The following SYT16 variants were observed in gnomAD, a reference collection of about 807,000 sequenced individuals.
SYT16 encodes synaptotagmin 16, also known as synaptotagmin-16.
A neutral mutation model predicts 61.4 loss-of-function variants in SYT16; 42 were observed. That is an observed-to-expected ratio of 0.68 (90% CI 0.53 to 0.89). The LOEUF is 0.89. SYT16 is among the 40% of genes least tolerant of loss of function. The pLI, the probability that SYT16 is intolerant of heterozygous loss-of-function variation, is 0.00. For synonymous variants in SYT16, 314 were observed against 302.3 expected (o/e 1.04, Z -0.40); for missense variants, 804 against 807.3 (o/e 1.00, Z 0.05).
rs190937131 is a variant in SYT16, at chr14:61,922,118, G to C, written c.-324-48014G>C. Among the ~76,000 whole-genome samples the C allele has an allele frequency of 4.1e-4, 62 of 152,314 alleles. No homozygotes were observed. In the East Asian group the frequency reaches 8.9e-3, roughly 22 times the overall value. The stretch of plus-strand genomic sequence containing the variant: ...AGAGAAAAGAAATGCTTTATAAGCA[G>C]CGTGGTGATTCCTCAAAGAGCTAGA... On this transcript the variant is annotated intron_variant, in intron 1 of 7. Transcript: ENST00000683842.
intron 1 of SYT16, among the ~76,000 whole-genome samples, chr14:61,947,267 C>CGTGGGTGT (rs2050478247): frequency 7.9e-6 from 1 of 125,844 alleles, no homozygotes; most frequent in Non-Finnish European, 1.7e-5. Flanking sequence ...TTTAGTCCTT[C>CGTGGGTGT]GTGTGTGTGT....
chr14:62,056,495 A>T (rs2140904885), intron 3 of SYT16, among the ~76,000 whole-genome samples: 1 of 151,990 alleles, frequency 6.6e-6, no homozygotes, highest in African/African-American at 2.4e-5. Flanking sequence ...GTGCTATAAA[A>T]CTCCGTTTCC....
intron 1 of SYT16, among the ~76,000 whole-genome samples, chr14:61,890,769 G>A (rs1017362774): frequency 5.3e-5 from 8 of 152,184 alleles, no homozygotes; most frequent in African/African-American, 1.4e-4. Flanking sequence ...GTATTGAACA[G>A]TTTCATAGCT....
chr14:61,943,230 G>A (rs2140455307), intron 1 of SYT16, among the ~76,000 whole-genome samples: 2 of 152,292 alleles, frequency 1.3e-5, no homozygotes, highest in East Asian at 3.9e-4. Context: ...TGAAATTGAG[G>A]TAGTAATTAA....
intron 1 of SYT16, among the ~76,000 whole-genome samples, chr14:61,946,771 T>G (rs931132794): frequency 1.3e-5 from 2 of 152,134 alleles, no homozygotes; most frequent in African/African-American, 4.8e-5. Context: ...GGAGGGCAAC[T>G]AGTAAAATTG....
chr14:62,079,884 A>C (rs1268825889), intron 5 of SYT16, among the ~76,000 whole-genome samples: 1 of 152,182 alleles, frequency 6.6e-6, no homozygotes, highest in African/African-American at 2.4e-5. Flanking sequence ...ACATTCCATA[A>C]AGAGGGATGT....
chr14:62,035,217 T>C (rs116794626), intron 3 of SYT16, among the ~76,000 whole-genome samples: 3,953 of 152,312 alleles, frequency 0.026, 57 homozygotes, highest in Middle Eastern at 0.051. Flanking sequence ...ATTTGGATCA[T>C]GACCAGTTTT....
At chr14:62,093,118 CTA>C (rs2057147776) in intron 7 of SYT16, among the ~76,000 whole-genome samples, 1 of 151,606 alleles carries the variant, frequency 6.6e-6, no homozygotes, top group Non-Finnish European at 1.5e-5. Context: ...TGTTAAGAAA[CTA>C]AAACAGTTCT....
At position 61,908,452 on chromosome 14, in the gene SYT16, G is replaced by A. The variant is rs372258288; in HGVS notation, c.-324-61680G>A. On this transcript the variant is annotated intron_variant, in intron 1 of 7. Transcript: ENST00000683842. The stretch of plus-strand genomic sequence containing the variant: ...TCAGGTATTTTTTTAGGTTTCATAA[G>A]ATGAGAAAACACTGGATTATATCAC... Among the ~76,000 whole-genome samples the A allele has an allele frequency of 1.7e-3, 264 of 152,266 alleles. 10 individuals carry two copies. The South Asian group carries it at 0.052, about 30-fold the overall frequency.
At chr14:61,852,880 G>A (rs918145078) in intron 1 of SYT16, among the ~76,000 whole-genome samples, 18 of 152,236 alleles carry the variant, frequency 1.2e-4, no homozygotes, top group Admixed American at 1.1e-3. Flanking sequence ...AAACACAGAG[G>A]TTTATTGCCT....
At chr14:62,080,706 G>T in intron 5 of SYT16, 128 bp from the exon 6 acceptor site, 1 of 908,108 alleles carries the variant, frequency 1.1e-6, no homozygotes. Context: ...AGACCTATCT[G>T]ATATAGAGGG....
intron 7 of SYT16, among the ~76,000 whole-genome samples, chr14:62,092,386 A>C (rs1279423840): frequency 6.6e-6 from 1 of 152,046 alleles, no homozygotes; most frequent in East Asian, 1.9e-4. Context: ...GTGGGTATGT[A>C]CTCCAAGGAA....
At chr14:62,048,254 T>G (rs1338934035) in intron 3 of SYT16, among the ~76,000 whole-genome samples, 1 of 152,244 alleles carries the variant, frequency 6.6e-6, no homozygotes, top group Non-Finnish European at 1.5e-5. Flanking sequence ...ATTTTCTAGT[T>G]TATTTGCATG....
chr14:61,949,683 T>C (rs919540759), intron 1 of SYT16, among the ~76,000 whole-genome samples: 1 of 152,188 alleles, frequency 6.6e-6, no homozygotes, highest in Admixed American at 6.5e-5. Flanking sequence ...GATGGTGTTA[T>C]TGGATGCGGC....
intron 1 of SYT16, among the ~76,000 whole-genome samples, chr14:61,822,116 C>T (rs1200346039): frequency 5.9e-5 from 9 of 152,188 alleles, no homozygotes; most frequent in East Asian, 1.9e-4. Flanking sequence ...AGTCCAATTC[C>T]GAAAGCCTCA....
intron 1 of SYT16, among the ~76,000 whole-genome samples, chr14:61,964,272 C>G (rs1478974455): frequency 2.6e-5 from 4 of 152,104 alleles, no homozygotes; most frequent in African/African-American, 9.7e-5. Flanking sequence ...GAAAGGTTCA[C>G]CATTCTAGAT....
intron 1 of SYT16, among the ~76,000 whole-genome samples, chr14:61,876,313 C>T (rs562031739): frequency 2.0e-4 from 31 of 152,218 alleles, no homozygotes; most frequent in African/African-American, 6.8e-4. Context: ...ACAGCTTCCT[C>T]GCACTCACGC....
At chr14:61,892,463 AT>A (rs2048170781) in intron 1 of SYT16, among the ~76,000 whole-genome samples, 1 of 151,322 alleles carries the variant, frequency 6.6e-6, no homozygotes, top group Admixed American at 6.6e-5. Flanking sequence ...TCCCCCATTT[AT>A]TCTTCCTCAC....
intron 7 of SYT16, among the ~76,000 whole-genome samples, chr14:62,085,302 A>C (rs914492087): frequency 1.1e-4 from 16 of 152,192 alleles, no homozygotes; most frequent in Non-Finnish European, 8.8e-5. Context: ...ACCTCATGCA[A>C]ATACACCTAA....
Sources: gnomAD v4.1 joint callset for allele counts (sites outside exome capture counted in the v4.1 genomes callset) on GRCh38, gnomAD v4.1.1 for gene constraint, MANE v1.5 for transcripts, NCBI Gene and HGNC (gene_info 2026-07-23, HGNC 2026-07-21) for gene names.